The following PCDHGA9 variants were observed in gnomAD, a reference collection of about 807,000 sequenced individuals.
PCDHGA9 encodes protocadherin gamma subfamily A, 9.
PCDHGA9 carries 37 observed loss-of-function variants against 62.5 expected under a neutral mutation model. The ratio of observed to expected loss-of-function variants is 0.59; its 90% confidence interval spans 0.46 to 0.78. PCDHGA9 has a LOEUF of 0.78. PCDHGA9 is among the 30% of genes least tolerant of loss of function. The pLI is 0.00. For missense variants in PCDHGA9, 1,138 were observed against 1,166.2 expected, an observed-to-expected ratio of 0.98 and a Z score of 0.35; for synonymous variants, 459 against 484.6, an observed-to-expected ratio of 0.95 and a Z score of 0.69.
At chr5:141,453,811 A>G (rs541081089) in intron 1 of PCDHGA9, among the ~76,000 whole-genome samples, 1 of 152,350 alleles carries the variant, frequency 6.6e-6, no homozygotes, top group Admixed American at 6.5e-5. Context: ...AGTTCCATAA[A>G]GGACAAACTT....
In PCDHGA9 at chr5:141,405,218, G is replaced by T; in HGVS notation, c.2266G>T (p.Glu756Ter). Residue 756 changes from glutamate to a stop codon, truncating the protein, a stop_gained, in exon 1 of 4, where the codon GAG (glutamate) becomes TAG (stop). Coordinates refer to ENST00000573521, the MANE Select transcript of PCDHGA9 (RefSeq NM_018921.3). LOFTEE classifies it high-confidence loss of function. ...VRAFLQTYSQEFSLTADSRKS... is the reference protein window; with the variant it reads ...VRAFLQTYSQ ...AGCTTTCCTACAGACCTATTCTCAG[G>T]AGTTCTCCCTCACCGCTGACTCAAG... is the stretch of plus-strand genomic sequence containing the variant. 6.2e-7 allele frequency: 1 copy of T among 1,613,986 alleles called. No individual in the cohort carries two copies. Among genetic ancestry groups the T allele is most frequent in the Non-Finnish European group, 8.5e-7 (1 of 1,180,010 alleles).
intron 2 of PCDHGA9, among the ~76,000 whole-genome samples, chr5:141,496,486 C>T (rs186488143): frequency 1.3e-5 from 2 of 152,322 alleles, no homozygotes; most frequent in East Asian, 3.9e-4. Flanking sequence ...CTGCAACCAA[C>T]CAAACCCTTG....
At chr5:141,464,746 T>G (rs1317670068) in intron 1 of PCDHGA9, among the ~76,000 whole-genome samples, 1 of 152,220 alleles carries the variant, frequency 6.6e-6, no homozygotes, top group Non-Finnish European at 1.5e-5. Context: ...TATATCTTTT[T>G]GTTTTTTTAG....
At position 141,491,448 on chromosome 5, in the gene PCDHGA9, A is replaced by G; in HGVS notation, c.2425-3359A>G. ...GGCAGTGCTGCAGGCGCCAGGACTC[A>G]CCCTCCCCGGACTTCTATAAGCAGT... On this transcript the variant is annotated intron_variant, in intron 1 of 3. Coordinates refer to ENST00000573521, the MANE Select transcript of PCDHGA9 (RefSeq NM_018921.3). The surrounding 1 kb of genome is among the most constrained non-coding windows in gnomAD (Gnocchi z 6.9). The G allele has an allele frequency of 6.2e-7, 1 of 1,613,792 alleles. No homozygotes were observed. The highest frequency in any genetic ancestry group is 8.5e-7 in the Non-Finnish European group (1 of 1,179,986).
chr5:141,444,710 T>A (rs2098445001), intron 1 of PCDHGA9, among the ~76,000 whole-genome samples: 1 of 152,236 alleles, frequency 6.6e-6, no homozygotes, highest in Admixed American at 6.5e-5. Flanking sequence ...TTCTGTTGAA[T>A]TTGCTTGGTG....
chr5:141,414,210 T>G (rs1252033650), intron 1 of PCDHGA9: 1 of 1,612,706 alleles, frequency 6.2e-7, no homozygotes, highest in Admixed American at 1.7e-5. Context: ...AAGATGTAAA[T>G]GACAACAGTC....
At chr5:141,497,142 C>T (rs1316569011) in intron 2 of PCDHGA9, among the ~76,000 whole-genome samples, 2 of 149,678 alleles carry the variant, frequency 1.3e-5, no homozygotes, top group South Asian at 2.1e-4. Context: ...GCTGAGATCA[C>T]GAAAAAAAAA....
chr5:141,483,435 A>G (rs2099581280), intron 1 of PCDHGA9, among the ~76,000 whole-genome samples: 1 of 152,180 alleles, frequency 6.6e-6, no homozygotes, highest in Admixed American at 6.5e-5. Context: ...GGAGCTGACT[A>G]CAATAAAATC....
At chr5:141,416,217 G>A (rs1224952837) in intron 1 of PCDHGA9, 1 of 152,288 alleles carries the variant, frequency 6.6e-6, no homozygotes, top group Non-Finnish European at 1.5e-5. Flanking sequence ...AACAATGTAT[G>A]CTTAGATTTT....
chr5:141,490,640 G>C lies in PCDHGA9; in HGVS notation c.2425-4167G>C, dbSNP rs774630488. 1 of 1,614,122 alleles carries C rather than the reference G, an allele frequency of 6.2e-7. No individual in the cohort carries two copies. The highest frequency in any genetic ancestry group is 8.5e-7 in the Non-Finnish European group (1 of 1,180,012). On this transcript the variant is annotated intron_variant, in intron 1 of 3. Coordinates refer to ENST00000573521, the MANE Select transcript of PCDHGA9 (RefSeq NM_018921.3). This position sits in a 1 kb window ranked among gnomAD's most constrained non-coding sequence, Gnocchi z 5.4. The stretch of plus-strand genomic sequence containing the variant: ...TACACTGCTTACATCCTAGAAAACC[G>C]GCCTCCGGGCTCCCTTCTTTGCACT...
chr5:141,501,412 T>C (rs1479005426), intron 2 of PCDHGA9, among the ~76,000 whole-genome samples: 7 of 151,550 alleles, frequency 4.6e-5, no homozygotes, highest in African/African-American at 1.7e-4. Context: ...GCTTGGAAAA[T>C]AGTTGACTAA....
rs763239421 is a variant in PCDHGA9, at chr5:141,477,265, G to C, written c.2425-17542G>C. 1 of 1,614,198 alleles carries C rather than the reference G, an allele frequency of 6.2e-7. No homozygotes were observed. Among genetic ancestry groups the C allele is most frequent in the Admixed American group, 1.7e-5 (1 of 60,020 alleles). On this transcript the variant is annotated intron_variant, in intron 1 of 3. Coordinates refer to ENST00000573521, the MANE Select transcript of PCDHGA9 (RefSeq NM_018921.3). The surrounding 1 kb of genome is among the most constrained non-coding windows in gnomAD (Gnocchi z 4.9). ...GTGTGACTGACCTGGATGCTGGCGA[G>C]AACGGGCTGGTGACCTGCGAAGTTC...
rs115262984 is a variant in PCDHGA9 at position 141,463,089 on chromosome 5, C to T, written c.2425-31718C>T. ...AATGAAATTCAAACATTTTCCAGCC[C>T]TATGTGACCATCAAGAATTCAGCTA... On this transcript the variant is annotated intron_variant, in intron 1 of 3. Coordinates refer to ENST00000573521, the MANE Select transcript of PCDHGA9 (RefSeq NM_018921.3). Among the ~76,000 whole-genome samples the T allele has an allele frequency of 2.5e-3, 374 of 152,264 alleles. 2 individuals are homozygous for T. Among genetic ancestry groups the T allele is most frequent in the African/African-American group, 8.7e-3 (360 of 41,552 alleles).
chr5:141,434,509 T>C (rs1480014539), intron 1 of PCDHGA9, among the ~76,000 whole-genome samples: 3 of 152,232 alleles, frequency 2.0e-5, no homozygotes, highest in Non-Finnish European at 4.4e-5. Context: ...AGAAAACTGC[T>C]TAAAGGTGTT....
chr5:141,418,946 G>T (rs2096305161), intron 1 of PCDHGA9: 1 of 1,613,900 alleles, frequency 6.2e-7, no homozygotes, highest in African/African-American at 1.3e-5. Context: ...TTCCCCTCCA[G>T]GAGTGGTTGT....
Position 141,491,197 on chromosome 5 carries a change from G to A in PCDHGA9, c.2425-3610G>A. Reference sequence around the variant, plus strand: ...GGTGGTCCTGGTGAGGGACAATGGTGACCCTTCACTCTCCTCCACAGCCAC... The same window carrying A: ...GGTGGTCCTGGTGAGGGACAATGGTAACCCTTCACTCTCCTCCACAGCCAC... On this transcript the variant is annotated intron_variant, in intron 1 of 3. Coordinates refer to ENST00000573521, the MANE Select transcript of PCDHGA9 (RefSeq NM_018921.3). The surrounding 1 kb of genome is among the most constrained non-coding windows in gnomAD (Gnocchi z 6.9). 6.2e-7 allele frequency: 1 copy of A among 1,614,190 alleles called. No individual in the cohort carries two copies. The highest frequency in any genetic ancestry group is 8.5e-7 in the Non-Finnish European group (1 of 1,180,024).
chr5:141,422,828 T>C (rs1273420440), intron 1 of PCDHGA9: 2 of 1,614,232 alleles, frequency 1.2e-6, no homozygotes, highest in East Asian at 4.5e-5. Context: ...CTGAGAGTGA[T>C]AGCACGTGAC....
chr5:141,432,949 CG>C lies in PCDHGA9; in HGVS notation c.2424+27575del, dbSNP rs930064840. 6.2e-7 allele frequency: 1 copy of C among 1,614,066 alleles called. No individual in the cohort carries two copies. Among genetic ancestry groups the C allele is most frequent in the African/African-American group, 1.3e-5 (1 of 74,930 alleles). ...CACGCCTGCTGCAGGCTTCAGGAGG[CG>C]GCTTGACAGGAGCGCCGGCGTCGCA... On this transcript the variant is annotated intron_variant, in intron 1 of 3. Transcript: ENST00000573521. This position sits in a 1 kb window ranked among gnomAD's most constrained non-coding sequence, Gnocchi z 6.0.
chr5:141,422,938 G>A (rs1226350240), intron 1 of PCDHGA9: 2 of 1,614,116 alleles, frequency 1.2e-6, no homozygotes, highest in Non-Finnish European at 1.7e-6. Flanking sequence ...CCTCCCCACA[G>A]ACGGCTCCAC....
Sources: allele counts gnomAD v4.1 joint callset (sites outside exome capture counted in the v4.1 genomes callset), GRCh38; gene constraint gnomAD v4.1.1; non-coding constraint Gnocchi (gnomAD v3.1); transcripts MANE v1.5; gene names NCBI Gene and HGNC (gene_info 2026-07-23, HGNC 2026-07-21).